Variants in SRPRA observed in about 807,000 individuals in gnomAD.
SRPRA encodes SRP receptor subunit alpha, also known as signal recognition particle receptor subunit alpha.
A neutral mutation model predicts 61.1 loss-of-function variants in SRPRA; 30 were observed. That is an observed-to-expected ratio of 0.49 (90% CI 0.37 to 0.67). SRPRA has a LOEUF of 0.67. Ranked by LOEUF, SRPRA falls within the 30% of genes least tolerant of loss-of-function variation. The pLI is 0.00. For synonymous variants in SRPRA, 324 were observed against 299.7 expected (o/e 1.08, Z -0.84); for missense variants, 759 against 828.4 (o/e 0.92, Z 1.03).
the SRPRA span, among the ~76,000 whole-genome samples, chr11:126,248,383 TTTTTGA>T: frequency 7.4e-6 from 1 of 134,426 alleles, no homozygotes; most frequent in African/African-American, 2.8e-5. Context: ...TTTTTTTTTT[TTTTTGA>T]GATGGAGTTT....
chr11:126,266,613 C>T lies in SRPRA; in HGVS notation c.703G>A (p.Asp235Asn), dbSNP rs773130062. 6.2e-7 allele frequency: 1 copy of T among 1,613,986 alleles called. No homozygotes were observed. Among genetic ancestry groups the T allele is most frequent in the South Asian group, 1.1e-5 (1 of 91,060 alleles). The change falls in exon 6 of 14, where the codon GAT (aspartate) becomes AAT (asparagine). Residue 235 changes from aspartate (D) to asparagine (N), a missense_variant. By Grantham distance (23) the Asp-to-Asn change is conservative. This residue lies in a region of SRPRA where 475 missense variants were observed against 462.5 expected (regional missense o/e 1.03). Coordinates refer to ENST00000332118, the MANE Select transcript of SRPRA (RefSeq NM_003139.4). ...MEKSNKSTKS[D>N]APKEKGKKAP... ...TTTTTGCCCTTCTCCTTTGGAGCAT[C>T]TGACTTCGTGGACTTGCTGCAACAG...
the SRPRA span, chr11:126,245,376 T>G: frequency 1.3e-5 from 2 of 152,138 alleles, no homozygotes; most frequent in African/African-American, 4.8e-5. Context: ...ACTCAAATTT[T>G]TTTTTCTTTC....
downstream of SRPRA, chr11:126,262,304 C>A: frequency 1.5e-6 from 1 of 650,854 alleles, no homozygotes; most frequent in Non-Finnish European, 2.7e-6. Context: ...TCCTTCATAC[C>A]ACCTGGTTCT....
chr11:126,267,178 C>T lies in SRPRA; in HGVS notation c.523G>A (p.Glu175Lys), dbSNP rs760373400. The T allele has an allele frequency of 6.8e-6, 11 of 1,614,066 alleles. No individual in the cohort carries two copies. The South Asian group carries it at 1.2e-4, about 18-fold the overall frequency. The part of the protein sequence containing the change: ...KNSKKKGAKK[E>K]GSDGPLATSK... Reference sequence around the variant, plus strand: ...TATCCAAAGAACTCAAACTTGCCTTCCTTCTTGGCCCCCTTTTTTTTGCTA... The same window carrying T: ...TATCCAAAGAACTCAAACTTGCCTTTCTTCTTGGCCCCCTTTTTTTTGCTA... The change falls in exon 4 of 14, where the codon GAA becomes AAA. Residue 175 changes from glutamate to lysine, a missense_variant. Glu to Lys is a moderately conservative substitution (Grantham distance 56). Coordinates refer to ENST00000332118, the MANE Select transcript of SRPRA (RefSeq NM_003139.4). This position sits in a 1 kb window ranked among gnomAD's most constrained non-coding sequence, Gnocchi z 4.2.
the SRPRA span, among the ~76,000 whole-genome samples, chr11:126,238,088 G>A: frequency 4.6e-5 from 7 of 151,910 alleles, no homozygotes; most frequent in Admixed American, 3.3e-4. Flanking sequence ...GAGGCCGGGT[G>A]CGGTGGCTCA....
chr11:126,244,747 G>A, the SRPRA span, among the ~76,000 whole-genome samples: 4 of 152,120 alleles, frequency 2.6e-5, no homozygotes, highest in African/African-American at 4.8e-5. This position sits in a 1 kb window ranked among gnomAD's most constrained non-coding sequence, Gnocchi z 4.5. Flanking sequence ...AGGTTGCAGC[G>A]AGCCAGGATC....
At position 126,265,035 on chromosome 11, in the gene SRPRA, G is replaced by A. The variant is rs1950778213; in HGVS notation, c.1449C>T (p.Gly483=). 2.5e-6 allele frequency: 4 copies of A among 1,614,068 alleles called. No homozygotes were observed. In the Admixed American group the frequency reaches 6.7e-5, roughly 27 times the overall value. ...TTTCAAACAACTGCACCATGGTGCGGCCACCATGCTTCTCTGGAGGGTGTA... is the reference window on the plus strand; with the variant it reads ...TTTCAAACAACTGCACCATGGTGCGACCACCATGCTTCTCTGGAGGGTGTA... The part of the protein sequence containing the change: ...SALHPPEKHG[G]RTMVQLFEKG... The change falls in exon 11 of 14, where the codon GGC becomes GGT. Residue 483 remains glycine (G), a synonymous_variant. Coordinates refer to ENST00000332118, the MANE Select transcript of SRPRA (RefSeq NM_003139.4). The surrounding 1 kb of genome is among the most constrained non-coding windows in gnomAD (Gnocchi z 6.3).
chr11:126,265,624 G>A lies in SRPRA; in HGVS notation c.1138+113C>T. On this transcript the variant is annotated intron_variant, in intron 9 of 13. Coordinates refer to ENST00000332118, the MANE Select transcript of SRPRA (RefSeq NM_003139.4). This position sits in a 1 kb window ranked among gnomAD's most constrained non-coding sequence, Gnocchi z 6.3. ...CCTCTCAATAACCCTTAAAATCTAG[G>A]TTACAGAGGTTTAGAGGTTAAGGAA... 2.3e-6 allele frequency: 3 copies of A among 1,300,406 alleles called. No homozygotes were observed. Among genetic ancestry groups the A allele is most frequent in the Non-Finnish European group, 3.3e-6 (3 of 920,556 alleles). The allele number at this position is 1,300,406 out of a possible 1,614,324, so 80.6% of individuals were successfully genotyped here. A position where few individuals can be genotyped will look rare whatever the true frequency, so the allele number is the denominator to read the frequency against.
the SRPRA span, among the ~76,000 whole-genome samples, chr11:126,238,516 T>C: frequency 2.0e-5 from 3 of 152,238 alleles, no homozygotes; most frequent in Admixed American, 6.5e-5. Flanking sequence ...AGGTACAGAG[T>C]TGATTCCTAG....
At chr11:126,246,191 G>T in the SRPRA span, among the ~76,000 whole-genome samples, 1 of 152,126 alleles carries the variant, frequency 6.6e-6, no homozygotes, top group South Asian at 2.1e-4. Flanking sequence ...TGAGATAGAA[G>T]TATTGCGATT....
chr11:126,268,620 A>T, intron 1 of SRPRA, 68 bp downstream of exon 1: 1 of 1,343,506 alleles, frequency 7.4e-7, no homozygotes, highest in Non-Finnish European at 1.1e-6. Flanking sequence ...CGCGGAATAG[A>T]GTCGAAGGGG....
At chr11:126,249,782 A>T in the SRPRA span, among the ~76,000 whole-genome samples, 13 of 151,386 alleles carry the variant, frequency 8.6e-5, no homozygotes, top group East Asian at 1.9e-3. Context: ...GCCAAACCAC[A>T]ATTAGGGCTG....
At chr11:126,261,442 G>A (rs1591533932), downstream of SRPRA, 2 of 1,613,832 alleles carry the variant, frequency 1.2e-6, no homozygotes, top group Non-Finnish European at 1.7e-6. Context: ...GGTGAGAGAA[G>A]GTCAGCTAAA....
At chr11:126,240,780 T>C in the SRPRA span, 1 of 1,595,468 alleles carries the variant, frequency 6.3e-7, no homozygotes, top group South Asian at 1.1e-5. Flanking sequence ...CTCATTTGTT[T>C]TGCTTTTATA....
At chr11:126,250,370 C>T in the SRPRA span, 4 of 617,960 alleles carry the variant, frequency 6.5e-6, no homozygotes, top group South Asian at 3.9e-5. The surrounding 1 kb of genome is among the most constrained non-coding windows in gnomAD (Gnocchi z 5.1). Flanking sequence ...GGATTACAGG[C>T]GTGAGCCACT....
At chr11:126,254,291 T>A in the SRPRA span, 1 of 1,612,958 alleles carries the variant, frequency 6.2e-7, no homozygotes, top group South Asian at 1.1e-5. Flanking sequence ...TTGGGCTATA[T>A]GTGTGTTGTG....
At position 126,264,554 on chromosome 11, in the gene SRPRA, T is replaced by C. The variant is rs1442644610; in HGVS notation, c.1526-15A>G. The C allele has an allele frequency of 6.2e-7, 1 of 1,611,468 alleles. No individual in the cohort carries two copies. The highest frequency in any genetic ancestry group is 1.3e-5 in the African/African-American group (1 of 74,854). On this transcript the variant is annotated splice_polypyrimidine_tract_variant and intron_variant, in intron 11 of 13. Coordinates refer to ENST00000332118, the MANE Select transcript of SRPRA (RefSeq NM_003139.4). The surrounding 1 kb of genome is among the most constrained non-coding windows in gnomAD (Gnocchi z 5.0). The stretch of plus-strand genomic sequence containing the variant: ...TTGGTTACGTGCTAGAGAAAGAAAG[T>C]AGTCAACTCTGAACACCTGGACTAC...
the SRPRA span, chr11:126,240,669 T>G: frequency 1.0e-6 from 1 of 976,084 alleles, no homozygotes; most frequent in Admixed American, 2.4e-5. Context: ...TGTCAAAAAC[T>G]GCTGTTCATC....
At position 126,268,037 on chromosome 11, in the gene SRPRA, T is replaced by C; in HGVS notation, c.167A>G (p.Tyr56Cys). 1 of 1,614,222 alleles carries C rather than the reference T, an allele frequency of 6.2e-7. No homozygotes were observed. The highest frequency in any genetic ancestry group is 8.5e-7 in the Non-Finnish European group (1 of 1,180,042). ...CAGCTCAAACTGGTTGTCCAGTTTATACTTGAGTGTGAGTGCCTCATGGGT... is the reference window on the plus strand; with the variant it reads ...CAGCTCAAACTGGTTGTCCAGTTTACACTTGAGTGTGAGTGCCTCATGGGT... ...SFTHEALTLKYKLDNQFELVF... is the reference protein window; with the variant it reads ...SFTHEALTLKCKLDNQFELVF... Residue 56 changes from tyrosine (Y) to cysteine (C), a missense_variant, in exon 2 of 14, where the codon TAT becomes TGT. Tyr to Cys is a radical substitution (Grantham distance 194). Transcript: ENST00000332118.
Sources: gnomAD v4.1 joint callset for allele counts (sites outside exome capture counted in the v4.1 genomes callset) on GRCh38, gnomAD v4.1.1 for gene constraint, gnomAD v4.1.1 regional missense constraint, Gnocchi (gnomAD v3.1) non-coding constraint, MANE v1.5 for transcripts, NCBI Gene and HGNC (gene_info 2026-07-23, HGNC 2026-07-21) for gene names.